The following FKBP15 variants were observed in gnomAD, a reference collection of about 807,000 sequenced individuals.
FKBP15 encodes FKBP prolyl isomerase family member 15.
Under a neutral mutation model 158.1 loss-of-function variants are expected in FKBP15, and 106 were observed. The ratio of observed to expected loss-of-function variants is 0.67; its 90% CI spans 0.57 to 0.79. FKBP15 has a LOEUF of 0.79. Ranked by LOEUF, FKBP15 falls within the 30% of genes least tolerant of loss-of-function variation. The pLI is 0.00. For missense variants in FKBP15, 1,287 were observed against 1,479.1 expected, an observed-to-expected ratio of 0.87 and a Z score of 2.13; for synonymous variants, 547 against 548.6, an observed-to-expected ratio of 1.00 and a Z score of 0.04.
chr9:113,182,825 A>C lies in FKBP15; in HGVS notation c.1855T>G (p.Ser619Ala). The change falls in exon 19 of 28, where the codon TCA (serine) becomes GCA (alanine). Residue 619 changes from serine (S) to alanine (A), a missense_variant. By Grantham distance (99) the Ser-to-Ala change is moderately conservative (BLOSUM62 1). Coordinates refer to ENST00000238256, the MANE Select transcript of FKBP15 (RefSeq NM_015258.2). ...SNLMMEKRNN[S>A]LQTATENTQA... ...GTGTTTTCTGTGGCTGTCTGAAGTG[A>C]GTTGTTCCTCTTCTCCATCATCAGG... 1 of 1,613,852 alleles carries C rather than the reference A, an allele frequency of 6.2e-7. No individual in the cohort carries two copies. The highest frequency in any genetic ancestry group is 8.5e-7 in the Non-Finnish European group (1 of 1,179,780).
rs916358484 is a variant in FKBP15 at position 113,162,979 on chromosome 9, A to G, written c.*3099T>C. ...CATGGAGCCCCCTCTTCCAGACACTATACTTCCAACTGCCCTTTCTTCTGA... is the reference window on the plus strand; with the variant it reads ...CATGGAGCCCCCTCTTCCAGACACTGTACTTCCAACTGCCCTTTCTTCTGA... On this transcript the variant is annotated 3_prime_UTR_variant, in exon 28 of 28. Coordinates refer to ENST00000238256, the MANE Select transcript of FKBP15 (RefSeq NM_015258.2). 2.1e-6 allele frequency: 3 copies of G among 1,415,100 alleles called. No individual in the cohort carries two copies. The highest frequency in any genetic ancestry group is 2.5e-5 in the Admixed American group (1 of 40,598). The allele number at this position is 1,415,100 out of a possible 1,614,324, so 87.7% of individuals were successfully genotyped here.
intron 1 of FKBP15, 100 bp downstream of exon 1, chr9:113,221,091 C>T (rs1038362391): frequency 7.6e-7 from 1 of 1,317,962 alleles, no homozygotes. Context: ...GGTCTCCCCC[C>T]GGAAGTTGGG....
In FKBP15 at chr9:113,161,224, C is replaced by T. The variant is rs979416284; in HGVS notation, c.*4854G>A. 1.4e-5 allele frequency: 6 copies of T among 435,908 alleles called. No homozygotes were observed. The highest frequency in any genetic ancestry group is 1.3e-4 in the Admixed American group (3 of 23,554). The allele number at this position is 435,908 out of a possible 1,614,324, so 27.0% of individuals were successfully genotyped here. ...GTACTCATCACTTAACAAGAAGTCACGACAGATTTGTGCAGCCTGCTGGGG... is the reference window on the plus strand; with the variant it reads ...GTACTCATCACTTAACAAGAAGTCATGACAGATTTGTGCAGCCTGCTGGGG... On this transcript the variant is annotated 3_prime_UTR_variant, in exon 28 of 28. Transcript: ENST00000238256.
chr9:113,167,720 C>A (rs887194702), intron 27 of FKBP15, among the ~76,000 whole-genome samples: 8 of 152,274 alleles, frequency 5.3e-5, no homozygotes, highest in Middle Eastern at 3.4e-3. Flanking sequence ...CCTGTGTTCT[C>A]CATATGCATT....
In FKBP15 at chr9:113,169,779, G is replaced by A. The variant is rs773827761; in HGVS notation, c.2930C>T (p.Pro977Leu). The change falls in exon 26 of 28, where the codon CCA (proline) becomes CTA (leucine). Residue 977 changes from proline to leucine, a missense_variant. Pro to Leu is a moderately conservative substitution (Grantham distance 98). Coordinates refer to ENST00000238256, the MANE Select transcript of FKBP15 (RefSeq NM_015258.2). ...CTCTGAGGGCACCATGGGGGACTCT[G>A]GCCTCTCCCTATTCAGGGGTGCTTG... ...QPQAPLNRER[P>L]ESPMVPSEQV... is the part of the protein sequence containing the mutation. 1 of 1,599,684 alleles carries A rather than the reference G, an allele frequency of 6.3e-7. No homozygotes were observed. The highest frequency in any genetic ancestry group is 8.5e-7 in the Non-Finnish European group (1 of 1,172,644).
chr9:113,180,378 C>T (rs896402922), intron 19 of FKBP15, among the ~76,000 whole-genome samples: 1 of 150,888 alleles, frequency 6.6e-6, no homozygotes, highest in Non-Finnish European at 1.5e-5. Flanking sequence ...TGAACAGATG[C>T]AACTTTTATG....
chr9:113,191,918 T>C (rs1830582273), intron 11 of FKBP15, among the ~76,000 whole-genome samples: 1 of 151,212 alleles, frequency 6.6e-6, no homozygotes, highest in Admixed American at 6.6e-5. Flanking sequence ...GCCATATAAA[T>C]GTAATTACCT....
chr9:113,220,877 C>T (rs1418301466), intron 1 of FKBP15, among the ~76,000 whole-genome samples: 4 of 152,328 alleles, frequency 2.6e-5, no homozygotes, highest in Admixed American at 2.6e-4. Context: ...CAGCTGACTC[C>T]TATAAAAATT....
At chr9:113,199,597 C>A (rs1366100152) in intron 7 of FKBP15, among the ~76,000 whole-genome samples, 1 of 152,074 alleles carries the variant, frequency 6.6e-6, no homozygotes, top group African/African-American at 2.4e-5. Context: ...AAATTGGTTC[C>A]CACTTTCCCT....
Position 113,221,172 on chromosome 9 carries a change from A to G in FKBP15, c.53+19T>C, listed in dbSNP as rs762822736. ...ATCTCTCAGCCACGCCCTCCAGCGC[A>G]TACTTCTCAGTCACTCACCCGCCGC... On this transcript the variant is annotated intron_variant, in intron 1 of 27. Coordinates refer to ENST00000238256, the MANE Select transcript of FKBP15 (RefSeq NM_015258.2). 15 of 1,600,750 alleles carry G rather than the reference A, an allele frequency of 9.4e-6. No individual in the cohort carries two copies. Among genetic ancestry groups the G allele is most frequent in the Non-Finnish European group, 1.3e-5 (15 of 1,172,686 alleles).
At chr9:113,170,186 G>A (rs972654930) in intron 25 of FKBP15, among the ~76,000 whole-genome samples, 2 of 152,002 alleles carry the variant, frequency 1.3e-5, no homozygotes, top group Non-Finnish European at 2.9e-5. Flanking sequence ...TGCAGTTGGG[G>A]GCAATCATGG....
intron 15 of FKBP15, 108 bp downstream of exon 15, chr9:113,186,141 A>G: frequency 1.4e-6 from 1 of 718,526 alleles, no homozygotes; most frequent in South Asian, 1.8e-5. Flanking sequence ...GTTAAAAAAG[A>G]GAAGAAACAA....
chr9:113,171,721 G>A lies in FKBP15; in HGVS notation c.2533-15C>T. ...AGGGCTAAACACTGCAAAACAAACA[G>A]ACTGTGGCTGTGGCCTCAGGAACCA... On this transcript the variant is annotated splice_polypyrimidine_tract_variant and intron_variant, in intron 23 of 27. Coordinates refer to ENST00000238256, the MANE Select transcript of FKBP15 (RefSeq NM_015258.2). The A allele has an allele frequency of 6.6e-7, 1 of 1,520,208 alleles. No individual in the cohort carries two copies. The highest frequency in any genetic ancestry group is 1.7e-4 in the Middle Eastern group (1 of 5,886). 94.2% of individuals were successfully genotyped at this position (1,520,208 alleles called of 1,614,324 possible).
At chr9:113,176,123 T>C (rs568204125) in intron 21 of FKBP15, among the ~76,000 whole-genome samples, 2 of 152,316 alleles carry the variant, frequency 1.3e-5, no homozygotes, top group African/African-American at 4.8e-5. Flanking sequence ...TATCCATCGA[T>C]AGGCAAATCA....
chr9:113,185,250 A>G (rs969719782), intron 15 of FKBP15, among the ~76,000 whole-genome samples: 7 of 152,242 alleles, frequency 4.6e-5, no homozygotes, highest in Non-Finnish European at 1.0e-4. Flanking sequence ...TATTAAGTGC[A>G]AAACAATGGA....
rs960448973 is a variant in FKBP15, at chr9:113,165,183, G to A, written c.*895C>T. 1.4e-4 allele frequency: 22 copies of A among 152,108 alleles called. No homozygotes were observed. Among genetic ancestry groups the A allele is most frequent in the Admixed American group, 2.6e-4 (4 of 15,286 alleles). 9.4% of individuals were successfully genotyped at this position (152,108 alleles called of 1,614,324 possible). Reference sequence around the variant, plus strand: ...TAAGGGAATGGAAGCTGCTCTCAAAGTGAAGAATCCCTCAGGTGCCATGAA... The same window carrying A: ...TAAGGGAATGGAAGCTGCTCTCAAAATGAAGAATCCCTCAGGTGCCATGAA... On this transcript the variant is annotated 3_prime_UTR_variant, in exon 28 of 28. Transcript: ENST00000238256.
intron 11 of FKBP15, among the ~76,000 whole-genome samples, chr9:113,191,354 G>A (rs1388936552): frequency 1.3e-5 from 2 of 151,840 alleles, no homozygotes; most frequent in Non-Finnish European, 1.5e-5. Context: ...AAAGGGCTTC[G>A]CCATGTTGCC....
intron 13 of FKBP15, among the ~76,000 whole-genome samples, chr9:113,188,110 G>A (rs137926227): frequency 3.6e-3 from 543 of 152,184 alleles, no homozygotes; most frequent in Non-Finnish European, 6.1e-3. Context: ...GATCCCACCC[G>A]ACAGGAAGTG....
chr9:113,163,624 A>C lies in FKBP15; in HGVS notation c.*2454T>G, dbSNP rs1010557448. 6.6e-6 allele frequency: 1 copy of C among 152,422 alleles called. No individual in the cohort carries two copies. Among genetic ancestry groups the C allele is most frequent in the Non-Finnish European group, 1.5e-5 (1 of 68,034 alleles). The allele number at this position is 152,422 out of a possible 1,614,324, so 9.4% of individuals were successfully genotyped here. ...GGGAGAGAATAAGTGACAGCTGATT[A>C]AAGGCAGAGACACAGGACTGCTTTC... On this transcript the variant is annotated 3_prime_UTR_variant, in exon 28 of 28. Transcript: ENST00000238256.
Sources: gnomAD v4.1 joint callset for allele counts (sites outside exome capture counted in the v4.1 genomes callset) on GRCh38, gnomAD v4.1.1 for gene constraint, MANE v1.5 for transcripts, NCBI Gene and HGNC (gene_info 2026-07-23, HGNC 2026-07-21) for gene names.